Variants in VOPP1 observed in about 807,000 individuals in gnomAD.
The protein encoded by VOPP1 is WW domain binding protein VOPP1.
A neutral mutation model predicts 23.5 loss-of-function variants in VOPP1; 8 were observed. The ratio of observed to expected loss-of-function variants is 0.34; its 90% CI spans 0.20 to 0.61. The LOEUF is 0.61. Ranked by LOEUF, VOPP1 falls within the 20% of genes least tolerant of loss-of-function variation. VOPP1 has a pLI of 0.78. For synonymous variants in VOPP1, 83 were observed against 97.3 expected (o/e 0.85, Z 0.86); for missense variants, 174 against 238.1 (o/e 0.73, Z 1.77).
At chr7:55,439,831 C>T (rs1292963364) in intron 4 of VOPP1, among the ~76,000 whole-genome samples, 1 of 152,210 alleles carries the variant, frequency 6.6e-6, no homozygotes, top group African/African-American at 2.4e-5. Flanking sequence ...AGTGTGAAAG[C>T]ACCCAGGAGG....
intron 2 of VOPP1, among the ~76,000 whole-genome samples, chr7:55,519,464 A>C (rs1301479356): frequency 6.6e-6 from 1 of 152,232 alleles, no homozygotes; most frequent in African/African-American, 2.4e-5. Flanking sequence ...TTTAAGGAAG[A>C]GCACACAGGA....
chr7:55,499,484 G>A (rs1202019339), intron 2 of VOPP1, among the ~76,000 whole-genome samples: 2 of 152,238 alleles, frequency 1.3e-5, no homozygotes, highest in Non-Finnish European at 2.9e-5. Flanking sequence ...CCTGAGGGTG[G>A]AGCAGGGAAA....
At chr7:55,564,262 T>A (rs1209888072) in intron 1 of VOPP1, among the ~76,000 whole-genome samples, 9 of 150,950 alleles carry the variant, frequency 6.0e-5, no homozygotes, top group African/African-American at 2.0e-4. Flanking sequence ...TCTCTCTCTC[T>A]CTCTCGCTCG....
At chr7:55,456,230 A>T (rs1426911856) in intron 4 of VOPP1, among the ~76,000 whole-genome samples, 1 of 152,254 alleles carries the variant, frequency 6.6e-6, no homozygotes, top group Non-Finnish European at 1.5e-5. Context: ...GAGAAATGCA[A>T]ATCAAAACCA....
chr7:55,559,227 C>T (rs1276657494), intron 1 of VOPP1, among the ~76,000 whole-genome samples: 2 of 152,128 alleles, frequency 1.3e-5, no homozygotes, highest in Admixed American at 1.3e-4. Context: ...CTAGTGGTGA[C>T]AATCATCACT....
At chr7:55,488,907 G>C (rs1293762889) in intron 4 of VOPP1, among the ~76,000 whole-genome samples, 1 of 152,236 alleles carries the variant, frequency 6.6e-6, no homozygotes, top group Non-Finnish European at 1.5e-5. Context: ...GACCACATGG[G>C]ACATTGGGAT....
chr7:55,473,930 T>C (rs1792036008), intron 4 of VOPP1, among the ~76,000 whole-genome samples: 1 of 152,050 alleles, frequency 6.6e-6, no homozygotes, highest in Non-Finnish European at 1.5e-5. Context: ...TTTTTTGCAA[T>C]TCTCCCCCTG....
intron 1 of VOPP1, among the ~76,000 whole-genome samples, chr7:55,549,154 C>G (rs1359134977): frequency 3.9e-5 from 6 of 152,180 alleles, no homozygotes; most frequent in Non-Finnish European, 8.8e-5. Context: ...ACTCCAAATG[C>G]GCCTAAATTA....
At chr7:55,562,650 T>C (rs1008179917) in intron 1 of VOPP1, among the ~76,000 whole-genome samples, 1 of 151,886 alleles carries the variant, frequency 6.6e-6, no homozygotes, top group Non-Finnish European at 1.5e-5. Context: ...AGAGGCATGA[T>C]GGGTAGAAGT....
chr7:55,488,701 G>C (rs1007476958), intron 4 of VOPP1, among the ~76,000 whole-genome samples: 1 of 152,052 alleles, frequency 6.6e-6, no homozygotes, highest in Admixed American at 6.6e-5. Context: ...CAGTGGGTGA[G>C]TCTGGGTCCT....
intron 1 of VOPP1, among the ~76,000 whole-genome samples, chr7:55,564,682 C>T (rs1352380204): frequency 6.6e-6 from 1 of 152,090 alleles, no homozygotes; most frequent in Non-Finnish European, 1.5e-5. Flanking sequence ...CCCTCCTGTC[C>T]GCAGGTGTGC....
chr7:55,494,587 T>C (rs927906282), intron 3 of VOPP1, among the ~76,000 whole-genome samples: 2 of 152,224 alleles, frequency 1.3e-5, no homozygotes, highest in Non-Finnish European at 2.9e-5. Flanking sequence ...CTTCATCCCT[T>C]ACTGAAATCA....
At chr7:55,513,102 A>C (rs1795188248) in intron 2 of VOPP1, among the ~76,000 whole-genome samples, 2 of 152,232 alleles carry the variant, frequency 1.3e-5, no homozygotes, top group South Asian at 4.1e-4. Flanking sequence ...TCCAACAGGA[A>C]ACTTGGGAAT....
chr7:55,443,801 C>T (rs1218766223), intron 4 of VOPP1, among the ~76,000 whole-genome samples: 1 of 151,890 alleles, frequency 6.6e-6, no homozygotes, highest in South Asian at 2.1e-4. Flanking sequence ...CACATCACCA[C>T]GCTCAGCTAA....
At chr7:55,513,140 C>T (rs1795189722) in intron 2 of VOPP1, among the ~76,000 whole-genome samples, 1 of 151,942 alleles carries the variant, frequency 6.6e-6, no homozygotes, top group Non-Finnish European at 1.5e-5. Context: ...TGGTCAAAAT[C>T]GATAGTGCTG....
intron 1 of VOPP1, among the ~76,000 whole-genome samples, chr7:55,523,087 CAG>C (rs1462741827): frequency 2.6e-5 from 4 of 152,282 alleles, no homozygotes; most frequent in African/African-American, 9.6e-5. Context: ...GGTGGCAAAA[CAG>C]AGAGCCCCCA....
rs147792298 is a variant in VOPP1 at position 55,494,126 on chromosome 7, G to A, written c.192-1708C>T. On this transcript the variant is annotated intron_variant, in intron 3 of 4. Coordinates refer to ENST00000285279, the MANE Select transcript of VOPP1 (RefSeq NM_030796.5). ...CGGAGGGAGCGGCCATGGGGAGCCC[G>A]GAGACCCAAACCGTTCAGGAGTGTG... Among the ~76,000 whole-genome samples the A allele has an allele frequency of 5.0e-3, 759 of 152,266 alleles. 2 individuals carry two copies. The highest frequency in any genetic ancestry group is 8.7e-3 in the Non-Finnish European group (590 of 68,038).
intron 1 of VOPP1, among the ~76,000 whole-genome samples, chr7:55,558,606 G>C (rs1035124079): frequency 6.6e-6 from 1 of 152,082 alleles, no homozygotes; most frequent in Admixed American, 6.6e-5. Flanking sequence ...TCAGCCTCCA[G>C]AGAGCCCAGG....
At chr7:55,527,754 G>C (rs1472335673) in intron 1 of VOPP1, among the ~76,000 whole-genome samples, 1 of 151,936 alleles carries the variant, frequency 6.6e-6, no homozygotes, top group Admixed American at 6.6e-5. Flanking sequence ...ATGAGAAAAA[G>C]AAAAATTCCA....
Sources: allele counts gnomAD v4.1 joint callset (sites outside exome capture counted in the v4.1 genomes callset), GRCh38; gene constraint gnomAD v4.1.1; transcripts MANE v1.5; gene names NCBI Gene and HGNC (gene_info 2026-07-23, HGNC 2026-07-21).